EOGT: variants seen among roughly 807,000 people sequenced by gnomAD.
EOGT encodes the protein EGF domain-specific O-linked N-acetylglucosamine transferase.
Under a neutral mutation model 70.5 loss-of-function variants are expected in EOGT, and 55 were observed. The ratio of observed to expected loss-of-function variants is 0.78; its 90% CI spans 0.63 to 0.98. The LOEUF (loss-of-function observed/expected upper bound fraction) is 0.98. EOGT is among the 50% of genes least tolerant of loss of function. The pLI is 0.00. For missense variants in EOGT, 703 were observed against 641.9 expected (o/e 1.10, Z -1.03); for synonymous variants, 246 against 217.1 (o/e 1.13, Z -1.17).
rs1402822078 is a variant in EOGT at position 69,007,779 on chromosome 3, T to C, written c.354A>G (p.Gln118=). ...TCTCTCTGGCATATCCAAAGTCAGC[T>C]TGTTTCCAAAATATGTCCTCAGCTG... The part of the protein sequence containing the change: ...LESAEDIFWK[Q]ADFGYARERL... The change falls in exon 6 of 18, where the codon CAA becomes CAG. Residue 118 remains glutamine (Q), a synonymous_variant. Coordinates refer to ENST00000383701, the MANE Select transcript of EOGT (RefSeq NM_001278689.2). 2 of 1,613,322 alleles carry C rather than the reference T, an allele frequency of 1.2e-6. No homozygotes were observed. Among genetic ancestry groups the C allele is most frequent in the Non-Finnish European group, 1.7e-6 (2 of 1,179,534 alleles).
chr3:68,996,151 A>G (rs1274460448), intron 10 of EOGT, among the ~76,000 whole-genome samples: 1 of 152,208 alleles, frequency 6.6e-6, no homozygotes, highest in Non-Finnish European at 1.5e-5. Context: ...CTGTGGTGGC[A>G]GCAAAACTGA....
chr3:68,987,992 G>T, intron 13 of EOGT: 1 of 399,096 alleles, frequency 2.5e-6, no homozygotes, highest in Non-Finnish European at 4.5e-6. Context: ...TTGGCTCACT[G>T]CAGCCTCTGC....
intron 4 of EOGT, among the ~76,000 whole-genome samples, chr3:69,008,846 G>C (rs982938559): frequency 2.6e-5 from 4 of 152,104 alleles, no homozygotes; most frequent in African/African-American, 9.7e-5. Flanking sequence ...GTGAGCAAGC[G>C]GATTCTAAAA....
intron 15 of EOGT, 25 bp from the exon 16 acceptor site, chr3:68,979,812 G>C: frequency 2.5e-6 from 4 of 1,609,128 alleles, no homozygotes; most frequent in Non-Finnish European, 3.4e-6. Context: ...AATAACATGA[G>C]AGAGATGGGG....
Position 68,975,825 on chromosome 3 carries a change from G to A in EOGT, c.*1793C>T, listed in dbSNP as rs1455858919. 2.0e-5 allele frequency: 3 copies of A among 152,096 alleles called. No individual in the cohort carries two copies. Among genetic ancestry groups the A allele is most frequent in the Admixed American group, 2.0e-4 (3 of 15,288 alleles). 9.4% of individuals were successfully genotyped at this position (152,096 alleles called of 1,614,324 possible). On this transcript the variant is annotated 3_prime_UTR_variant, in exon 18 of 18. Coordinates refer to ENST00000383701, the MANE Select transcript of EOGT (RefSeq NM_001278689.2). The stretch of plus-strand genomic sequence containing the variant: ...GACTGTTCCAATCCTTTAAAGTGGG[G>A]GTCAGCAAACGTCTTCTGTAAAGGT...
Position 68,978,402 on chromosome 3 carries a change from G to A in EOGT, c.1368C>T (p.Asp456=), listed in dbSNP as rs750519290. ...AGTGAACGCCTCTCAGCCTGGCCAAGTCTAAGTAACAGCGTTCATCTTCAC... is the reference window on the plus strand; with the variant it reads ...AGTGAACGCCTCTCAGCCTGGCCAAATCTAAGTAACAGCGTTCATCTTCAC... ...YNCEDERCYL[D]LARLRGVHYI... Residue 456 remains aspartate (D), a synonymous_variant, in exon 17 of 18, where the codon GAC becomes GAT. Transcript: ENST00000383701. 1.4e-5 allele frequency: 23 copies of A among 1,612,072 alleles called. No individual in the cohort carries two copies. Among genetic ancestry groups the A allele is most frequent in the Admixed American group, 5.0e-5 (3 of 59,592 alleles).
At position 68,988,585 on chromosome 3, in the gene EOGT, C is replaced by A; in HGVS notation, c.925-8G>T. On this transcript the variant is annotated splice_polypyrimidine_tract_variant and splice_region_variant and intron_variant, in intron 11 of 17. Transcript: ENST00000383701. ...AGCTTCTTTAAAACATACCTAAGAA[C>A]AAAGATACATTAAAAGAAGATGTAA... 1 of 1,502,972 alleles carries A rather than the reference C, an allele frequency of 6.7e-7. No homozygotes were observed. The highest frequency in any genetic ancestry group is 8.9e-7 in the Non-Finnish European group (1 of 1,124,946). The allele number at this position is 1,502,972 out of a possible 1,614,324, so 93.1% of individuals were successfully genotyped here.
At position 68,976,915 on chromosome 3, in the gene EOGT, A is replaced by G. The variant is rs911182719; in HGVS notation, c.*703T>C. On this transcript the variant is annotated 3_prime_UTR_variant, in exon 18 of 18. Coordinates refer to ENST00000383701, the MANE Select transcript of EOGT (RefSeq NM_001278689.2). ...GGTGGCTCACACCTGTAATCCCAGC[A>G]CTTTGGGAGGCAAGGTGGGAGGATT... The G allele has an allele frequency of 1.3e-5, 2 of 152,656 alleles. No homozygotes were observed. Among genetic ancestry groups the G allele is most frequent in the African/African-American group, 4.8e-5 (2 of 41,440 alleles). 9.5% of individuals were successfully genotyped at this position (152,656 alleles called of 1,614,324 possible). A position where few individuals can be genotyped will look rare whatever the true frequency, so the allele number is the denominator to read the frequency against.
chr3:69,001,443 G>A (rs1241890628), intron 9 of EOGT, among the ~76,000 whole-genome samples, 165 bp downstream of exon 9: 2 of 152,000 alleles, frequency 1.3e-5, no homozygotes, highest in East Asian at 1.9e-4. Context: ...AAAATAATGG[G>A]AAGTTCAAAT....
intron 5 of EOGT, 31 bp from the exon 6 acceptor site, chr3:69,007,852 T>C (rs771597340): frequency 1.3e-6 from 2 of 1,520,256 alleles, no homozygotes; most frequent in South Asian, 2.4e-5. Context: ...TCTGTGTTTT[T>C]TTCTTTTTAC....
chr3:69,008,362 A>G lies in EOGT; in HGVS notation c.311+66T>C, dbSNP rs573754971. ...AACCAAAAGAATCTAGCTGGAAATTAGGGCATCAACATACACTGTATAGAA... is the reference window on the plus strand; with the variant it reads ...AACCAAAAGAATCTAGCTGGAAATTGGGGCATCAACATACACTGTATAGAA... On this transcript the variant is annotated intron_variant, in intron 5 of 17. Coordinates refer to ENST00000383701, the MANE Select transcript of EOGT (RefSeq NM_001278689.2). 8.4e-6 allele frequency: 9 copies of G among 1,077,738 alleles called. No homozygotes were observed. In the South Asian group the frequency reaches 1.2e-4, roughly 15 times the overall value. The allele number at this position is 1,077,738 out of a possible 1,614,324, so 66.8% of individuals were successfully genotyped here. A position where few individuals can be genotyped will look rare whatever the true frequency, so the allele number is the denominator to read the frequency against.
At chr3:69,007,263 A>C (rs1309568976) in intron 6 of EOGT, among the ~76,000 whole-genome samples, 1 of 152,208 alleles carries the variant, frequency 6.6e-6, no homozygotes, top group African/African-American at 2.4e-5. Flanking sequence ...CCAATAACTA[A>C]GTGAGAGTGA....
At chr3:68,981,636 T>C (rs1218413759) in intron 15 of EOGT, among the ~76,000 whole-genome samples, 2 of 152,222 alleles carry the variant, frequency 1.3e-5, no homozygotes, top group Admixed American at 6.5e-5. Flanking sequence ...CTGTGAATAA[T>C]AGGCATATTC....
chr3:68,986,083 T>G (rs558278359), intron 14 of EOGT, among the ~76,000 whole-genome samples: 2 of 152,294 alleles, frequency 1.3e-5, no homozygotes, highest in South Asian at 4.1e-4. Flanking sequence ...AAGGAAATTA[T>G]GAACTCTGAT....
rs544957565 is a variant in EOGT, at chr3:68,975,335, G to C, written c.*2283C>G. 1 of 152,654 alleles carries C rather than the reference G, an allele frequency of 6.6e-6. No individual in the cohort carries two copies. The highest frequency in any genetic ancestry group is 2.4e-5 in the African/African-American group (1 of 41,536). 9.5% of individuals were successfully genotyped at this position (152,654 alleles called of 1,614,324 possible). ...GAGCAATCTTTACATTTTACAATTT[G>C]AAGACCTTCTGTTCCCACAAAAAGT... On this transcript the variant is annotated 3_prime_UTR_variant, in exon 18 of 18. Transcript: ENST00000383701.
intron 8 of EOGT, among the ~76,000 whole-genome samples, chr3:69,003,965 T>C (rs1413538431): frequency 6.6e-6 from 1 of 152,240 alleles, no homozygotes; most frequent in Non-Finnish European, 1.5e-5. Context: ...CTTGAACTCC[T>C]GGGCTCAAGT....
chr3:69,009,577 C>T (rs2091518658), intron 4 of EOGT, 60 bp downstream of exon 4: 2 of 1,364,046 alleles, frequency 1.5e-6, no homozygotes, highest in African/African-American at 1.4e-5. Context: ...TAAAGCAGAA[C>T]CTGTAAGCCA....
chr3:68,987,643 T>C (rs2090854324), intron 13 of EOGT, 130 bp from the exon 14 acceptor site: 1 of 687,562 alleles, frequency 1.5e-6, no homozygotes, highest in African/African-American at 1.8e-5. Context: ...ACTCTTCTTT[T>C]TTAGCTTGAT....
At chr3:68,986,498 C>T (rs1333069809) in intron 14 of EOGT, among the ~76,000 whole-genome samples, 1 of 152,164 alleles carries the variant, frequency 6.6e-6, no homozygotes, top group African/African-American at 2.4e-5. Flanking sequence ...GATATCGCCC[C>T]ACCTCTCTCA....
Sources: gnomAD v4.1 joint callset for allele counts (sites outside exome capture counted in the v4.1 genomes callset) on GRCh38, gnomAD v4.1.1 for gene constraint, MANE v1.5 for transcripts, NCBI Gene and HGNC (gene_info 2026-07-23, HGNC 2026-07-21) for gene names.